LHFPL2: variants seen among roughly 807,000 people sequenced by gnomAD.
The protein encoded by LHFPL2 is LHFPL tetraspan subfamily member 2 protein.
Under a neutral mutation model 17.5 loss-of-function variants are expected in LHFPL2, and 7 were observed. The observed-to-expected ratio is 0.40, with a 90% CI of 0.23 to 0.75. LHFPL2 has a LOEUF of 0.75. LHFPL2 is among the 30% of genes least tolerant of loss of function. The pLI, the probability that LHFPL2 is intolerant of heterozygous loss-of-function variation, is 0.37. For synonymous variants in LHFPL2, 134 were observed against 116.2 expected, an observed-to-expected ratio of 1.15 and a Z score of -0.99; for missense variants, 241 against 294.8, an observed-to-expected ratio of 0.82 and a Z score of 1.34.
chr5:78,632,230 T>G (rs563472643), intron 2 of LHFPL2, 34 bp downstream of exon 2: 10 of 152,278 alleles, frequency 6.6e-5, no homozygotes, highest in Middle Eastern at 3.4e-3. Context: ...GTTATCAGAG[T>G]GCATTGTCAT....
intron 2 of LHFPL2, among the ~76,000 whole-genome samples, chr5:78,630,075 C>T (rs1312150330): frequency 6.6e-6 from 1 of 152,222 alleles, no homozygotes; most frequent in Non-Finnish European, 1.5e-5. Flanking sequence ...GTGAAGTGAG[C>T]CTGAACACAC....
At chr5:78,502,215 A>G (rs1446917063) in intron 4 of LHFPL2, among the ~76,000 whole-genome samples, 1 of 152,250 alleles carries the variant, frequency 6.6e-6, no homozygotes, top group Non-Finnish European at 1.5e-5. Context: ...CAAGGTCCCC[A>G]AAGGAAGTTT....
chr5:78,643,889 C>A (rs962345187), intron 1 of LHFPL2, among the ~76,000 whole-genome samples: 2 of 152,068 alleles, frequency 1.3e-5, no homozygotes, highest in African/African-American at 4.8e-5. Context: ...GGTGAAACCC[C>A]ATCTCTACTA....
At chr5:78,540,310 G>A (rs1720727458) in intron 3 of LHFPL2, among the ~76,000 whole-genome samples, 1 of 152,202 alleles carries the variant, frequency 6.6e-6, no homozygotes. Context: ...TCCTTAAAAA[G>A]GGACTGGAGA....
chr5:78,610,308 G>A (rs1267889990), intron 2 of LHFPL2, among the ~76,000 whole-genome samples: 1 of 152,226 alleles, frequency 6.6e-6, no homozygotes, highest in African/African-American at 2.4e-5. Flanking sequence ...GTTCCTGTCT[G>A]AGAAGGAAAG....
At chr5:78,581,650 A>G (rs1043744252) in intron 2 of LHFPL2, among the ~76,000 whole-genome samples, 2 of 152,190 alleles carry the variant, frequency 1.3e-5, no homozygotes, top group East Asian at 1.9e-4. Flanking sequence ...CCACTTGATC[A>G]TGGTGGATAA....
intron 2 of LHFPL2, among the ~76,000 whole-genome samples, chr5:78,615,646 T>C (rs1030221625): frequency 6.6e-6 from 1 of 152,194 alleles, no homozygotes; most frequent in African/African-American, 2.4e-5. Flanking sequence ...GCCCTTTCCC[T>C]TATTCAGCCT....
chr5:78,546,116 A>G (rs1561332582), intron 3 of LHFPL2, among the ~76,000 whole-genome samples: 2 of 152,244 alleles, frequency 1.3e-5, no homozygotes, highest in Admixed American at 1.3e-4. Flanking sequence ...ACCCAAGCAC[A>G]AACGCACACT....
intron 2 of LHFPL2, among the ~76,000 whole-genome samples, chr5:78,598,959 A>T (rs1005854385): frequency 6.6e-6 from 1 of 152,180 alleles, no homozygotes; most frequent in Non-Finnish European, 1.5e-5. Context: ...CTTCAAATTT[A>T]CTTCACAAAA....
intron 3 of LHFPL2, among the ~76,000 whole-genome samples, chr5:78,528,524 C>T (rs750517718): frequency 5.3e-5 from 8 of 152,326 alleles, no homozygotes; most frequent in Non-Finnish European, 8.8e-5. Context: ...TTGTCTTCCA[C>T]GAAACAGGTC....
At chr5:78,564,568 A>C (rs1359211535) in intron 3 of LHFPL2, among the ~76,000 whole-genome samples, 1 of 152,224 alleles carries the variant, frequency 6.6e-6, no homozygotes, top group Non-Finnish European at 1.5e-5. Flanking sequence ...CAAACAAAGC[A>C]TGTCAGAATT....
At chr5:78,641,039 G>A (rs955587713) in intron 1 of LHFPL2, among the ~76,000 whole-genome samples, 10 of 152,222 alleles carry the variant, frequency 6.6e-5, no homozygotes, top group Non-Finnish European at 1.3e-4. Context: ...GAGAGTAGGA[G>A]AGCCTGGCCA....
chr5:78,559,271 C>T (rs535804459), intron 3 of LHFPL2, among the ~76,000 whole-genome samples: 3 of 152,266 alleles, frequency 2.0e-5, no homozygotes, highest in Non-Finnish European at 4.4e-5. Flanking sequence ...TAGTTAAGCC[C>T]CCATTCACTC....
At chr5:78,582,520 T>A (rs1254246196) in intron 2 of LHFPL2, among the ~76,000 whole-genome samples, 1 of 151,664 alleles carries the variant, frequency 6.6e-6, no homozygotes, top group East Asian at 1.9e-4. Flanking sequence ...AACATCTTTA[T>A]TTGTGCCTTC....
intron 4 of LHFPL2, among the ~76,000 whole-genome samples, chr5:78,506,096 G>C (rs1031611776): frequency 2.0e-5 from 3 of 152,312 alleles, no homozygotes; most frequent in Non-Finnish European, 4.4e-5. Flanking sequence ...CACATAACAG[G>C]CAATGATTAT....
chr5:78,510,159 C>T lies in LHFPL2; in HGVS notation c.55G>A (p.Val19Met), dbSNP rs1344952384. 6.2e-7 allele frequency: 1 copy of T among 1,611,648 alleles called. No individual in the cohort carries two copies. The highest frequency in any genetic ancestry group is 1.3e-5 in the African/African-American group (1 of 74,848). ...GCAATGAGCTCGGCAAAAGCCACCA[C>T]AATACTCAGCAAGGTCCAGAGCATC... ...RSMLWTLLSI[V>M]VAFAELIAFM... is the part of the protein sequence containing the mutation. Residue 19 changes from valine (V) to methionine (M), a missense_variant, in exon 4 of 5, where the codon GTG (valine) becomes ATG (methionine). By Grantham distance (21) the Val-to-Met change is conservative. Transcript: ENST00000380345.
intron 3 of LHFPL2, among the ~76,000 whole-genome samples, chr5:78,514,371 A>AG (rs1755228399): frequency 6.6e-6 from 1 of 151,332 alleles, no homozygotes; most frequent in African/African-American, 2.4e-5. Context: ...AAAAAAAAAA[A>AG]GACAAATGAG....
In LHFPL2 at chr5:78,648,344, C is replaced by G. The variant is rs970476329; in HGVS notation, c.-350+155G>C. Among the ~76,000 whole-genome samples, 2 of 151,998 alleles carry G rather than the reference C, an allele frequency of 1.3e-5. No homozygotes were observed. Among genetic ancestry groups the G allele is most frequent in the African/African-American group, 4.8e-5 (2 of 41,418 alleles). ...GACCGCTCGGCGCGGTCTCCCAGGG[C>G]GCCGAAGCGAAGTTCCCGCGCCAGC... On this transcript the variant is annotated intron_variant, in intron 1 of 4. Coordinates refer to ENST00000380345, the MANE Select transcript of LHFPL2 (RefSeq NM_005779.3). This position sits in a 1 kb window ranked among gnomAD's most constrained non-coding sequence, Gnocchi z 5.4.
At chr5:78,601,286 T>G (rs1490264915) in intron 2 of LHFPL2, among the ~76,000 whole-genome samples, 1 of 152,216 alleles carries the variant, frequency 6.6e-6, no homozygotes, top group South Asian at 2.1e-4. Context: ...AAGGGATGAT[T>G]TGGTGTGCCT....
Sources: allele counts gnomAD v4.1 joint callset (sites outside exome capture counted in the v4.1 genomes callset), GRCh38; gene constraint gnomAD v4.1.1; non-coding constraint Gnocchi (gnomAD v3.1); transcripts MANE v1.5; gene names NCBI Gene and HGNC (gene_info 2026-07-23, HGNC 2026-07-21).